Variants in SLC24A2 observed in about 807,000 individuals in gnomAD.
SLC24A2 encodes solute carrier family 24 member 2.
Under a neutral mutation model 62.0 loss-of-function variants are expected in SLC24A2, and 36 were observed. The observed-to-expected ratio is 0.58, with a 90% CI of 0.44 to 0.77. The LOEUF (loss-of-function observed/expected upper bound fraction) is 0.77. Among genes scored for constraint, SLC24A2 ranks in the 30% least tolerant of loss-of-function variants. The pLI, the probability that SLC24A2 is intolerant of heterozygous loss-of-function variation, is 0.00. For synonymous variants in SLC24A2, 358 were observed against 294.0 expected (o/e 1.22, Z -2.23); for missense variants, 846 against 817.9 (o/e 1.03, Z -0.42).
the SLC24A2 span, among the ~76,000 whole-genome samples, chr9:19,977,611 C>T: frequency 1.3e-5 from 2 of 152,154 alleles, no homozygotes; most frequent in Non-Finnish European, 2.9e-5. Flanking sequence ...TTTCCCTTTC[C>T]CATGTGTGTC....
intron 7 of SLC24A2, among the ~76,000 whole-genome samples, chr9:19,570,579 G>A (rs932038305): frequency 1.3e-5 from 2 of 152,132 alleles, no homozygotes; most frequent in African/African-American, 4.8e-5. Flanking sequence ...CATACAATGA[G>A]CTCTTTCAAG....
At chr9:20,306,278 G>A in the SLC24A2 span, among the ~76,000 whole-genome samples, 114 of 152,254 alleles carry the variant, frequency 7.5e-4, no homozygotes, top group African/African-American at 2.6e-3. Flanking sequence ...CACGAAATTG[G>A]CAACTTCTGT....
chr9:20,288,121 G>C, the SLC24A2 span, among the ~76,000 whole-genome samples: 14,342 of 152,078 alleles, frequency 0.094, 824 homozygotes, highest in African/African-American at 0.16. Flanking sequence ...AGAGAAATGA[G>C]TTTTAGAAAC....
At chr9:20,199,722 C>CTT in the SLC24A2 span, among the ~76,000 whole-genome samples, 4 of 145,574 alleles carry the variant, frequency 2.7e-5, no homozygotes, top group African/African-American at 5.1e-5. Context: ...TTTTTTCTTT[C>CTT]TTTTTTTTTT....
the SLC24A2 span, among the ~76,000 whole-genome samples, chr9:20,141,125 G>A: frequency 1.3e-5 from 2 of 152,076 alleles, no homozygotes; most frequent in African/African-American, 4.8e-5. Flanking sequence ...GTGTAAGCTT[G>A]GGCAAGTTTC....
chr9:19,801,078 G>C, the SLC24A2 span, among the ~76,000 whole-genome samples: 2 of 152,196 alleles, frequency 1.3e-5, no homozygotes, highest in African/African-American at 4.8e-5. Context: ...CCAAGATGGT[G>C]GCCGGCCGCT....
the SLC24A2 span, among the ~76,000 whole-genome samples, chr9:19,856,853 C>G: frequency 1.3e-5 from 2 of 152,142 alleles, no homozygotes; most frequent in Non-Finnish European, 2.9e-5. Context: ...GGGAGAAATC[C>G]CCCTCATCTG....
the SLC24A2 span, among the ~76,000 whole-genome samples, chr9:20,261,864 C>T: frequency 3.3e-5 from 5 of 151,342 alleles, no homozygotes; most frequent in East Asian, 2.0e-4. Flanking sequence ...CTCAGCCTCC[C>T]GAGTAGCCGG....
At chr9:19,644,089 C>G (rs1236101786) in intron 2 of SLC24A2, among the ~76,000 whole-genome samples, 1 of 152,152 alleles carries the variant, frequency 6.6e-6, no homozygotes, top group Non-Finnish European at 1.5e-5. Flanking sequence ...CAGTTGTGAA[C>G]TTATAGCTTA....
the SLC24A2 span, among the ~76,000 whole-genome samples, chr9:20,127,519 G>A: frequency 2.0e-5 from 3 of 152,084 alleles, no homozygotes; most frequent in Non-Finnish European, 4.4e-5. Flanking sequence ...AATAAGACCT[G>A]GGTTTAATCC....
intron 2 of SLC24A2, among the ~76,000 whole-genome samples, chr9:19,702,292 T>C (rs557924545): frequency 2.6e-5 from 4 of 152,212 alleles, no homozygotes; most frequent in African/African-American, 9.6e-5. Flanking sequence ...TTTTTCATAA[T>C]GAAGAATAAT....
intron 2 of SLC24A2, among the ~76,000 whole-genome samples, chr9:19,769,866 G>GT (rs1010488503): frequency 7.9e-5 from 12 of 152,038 alleles, no homozygotes; most frequent in Non-Finnish European, 1.8e-4. Flanking sequence ...ACTTGTGTCT[G>GT]TGGGGGGTTG....
chr9:19,734,243 A>C lies in SLC24A2; in HGVS notation c.930+51694T>G, dbSNP rs540092833. Among the ~76,000 whole-genome samples the C allele has an allele frequency of 2.6e-5, 4 of 152,220 alleles. No homozygotes were observed. The East Asian group carries it at 7.7e-4, about 29-fold the overall frequency. On this transcript the variant is annotated intron_variant, in intron 2 of 10. Coordinates refer to ENST00000341998, the MANE Select transcript of SLC24A2 (RefSeq NM_020344.4). ...TGGCTCTGTTCTGTTCCATTGGTCTATATCTCTGTTTTGGTACCAGTACCA... is the reference window on the plus strand; with the variant it reads ...TGGCTCTGTTCTGTTCCATTGGTCTCTATCTCTGTTTTGGTACCAGTACCA...
At chr9:20,241,880 TC>T in the SLC24A2 span, among the ~76,000 whole-genome samples, 2 of 152,252 alleles carry the variant, frequency 1.3e-5, no homozygotes, top group South Asian at 4.1e-4. Flanking sequence ...GGCTGCAACA[TC>T]AATCGCCACC....
chr9:20,074,555 C>CAGGA, the SLC24A2 span, among the ~76,000 whole-genome samples: 2,119 of 87,320 alleles, frequency 0.024, 45 homozygotes, highest in African/African-American at 0.031. Flanking sequence ...GAGAAGAAGG[C>CAGGA]AGGAAGGAAG....
intron 5 of SLC24A2, among the ~76,000 whole-genome samples, chr9:19,578,766 G>A (rs1836114019): frequency 6.6e-6 from 1 of 152,200 alleles, no homozygotes; most frequent in South Asian, 2.1e-4. Context: ...CTGGCTGGGA[G>A]TGACAGCACC....
chr9:19,705,274 T>A (rs534775125), intron 2 of SLC24A2: 26 of 152,728 alleles, frequency 1.7e-4, no homozygotes, highest in African/African-American at 6.3e-4. Flanking sequence ...GTTGACTGAT[T>A]GGGAACTGGC....
chr9:20,081,931 C>G, the SLC24A2 span, among the ~76,000 whole-genome samples: 2 of 152,164 alleles, frequency 1.3e-5, no homozygotes, highest in Non-Finnish European at 2.9e-5. Context: ...TGTATTGTAG[C>G]TTTGTTCCCT....
At chr9:19,921,384 A>G in the SLC24A2 span, among the ~76,000 whole-genome samples, 2 of 151,740 alleles carry the variant, frequency 1.3e-5, no homozygotes, top group Non-Finnish European at 2.9e-5. Flanking sequence ...TTACCCAGGC[A>G]TGGTGGCGGG....
Sources: allele counts gnomAD v4.1 joint callset (sites outside exome capture counted in the v4.1 genomes callset), GRCh38; gene constraint gnomAD v4.1.1; transcripts MANE v1.5; gene names NCBI Gene and HGNC (gene_info 2026-07-23, HGNC 2026-07-21).